NEDD4: variants seen among roughly 807,000 people sequenced by gnomAD.
NEDD4 encodes the protein NEDD4 E3 ubiquitin protein ligase, also known as E3 ubiquitin-protein ligase NEDD4.
NEDD4 carries 99 observed loss-of-function variants against 144.9 expected under a neutral mutation model. That is an observed-to-expected ratio of 0.68 (90% CI 0.58 to 0.81). The LOEUF (loss-of-function observed/expected upper bound fraction) is 0.81, where lower values mean the gene tolerates loss of function less well. Ranked by LOEUF, NEDD4 falls within the 30% of genes least tolerant of loss-of-function variation. The pLI is 0.00. For synonymous variants in NEDD4, 318 were observed against 350.6 expected (o/e 0.91, Z 1.04); for missense variants, 985 against 1,065.9 (o/e 0.92, Z 1.06).
At chr15:55,901,980 C>G (rs2035928055) in intron 5 of NEDD4, among the ~76,000 whole-genome samples, 1 of 152,030 alleles carries the variant, frequency 6.6e-6, no homozygotes, top group Non-Finnish European at 1.5e-5. Flanking sequence ...AGAGTTACTT[C>G]AACATAGAGT....
At chr15:55,905,102 A>AG (rs545619480) in intron 5 of NEDD4, 23 of 324,268 alleles carry the variant, frequency 7.1e-5, no homozygotes, top group South Asian at 4.2e-4. Context: ...CAAAAAAAAA[A>AG]AAAAGAAAAG....
chr15:55,949,143 T>C (rs1410161639), intron 4 of NEDD4, among the ~76,000 whole-genome samples: 2 of 152,162 alleles, frequency 1.3e-5, no homozygotes, highest in African/African-American at 2.4e-5. Context: ...GGGCGAAGGA[T>C]ATGAACAGAC....
intron 1 of NEDD4, among the ~76,000 whole-genome samples, chr15:55,980,015 A>G (rs1353167031): frequency 6.6e-6 from 1 of 151,470 alleles, no homozygotes. Context: ...GGCTCAAGTG[A>G]TTCTCCTACC....
At chr15:55,837,654 A>C in intron 24 of NEDD4, 135 bp downstream of exon 24, 1 of 555,064 alleles carries the variant, frequency 1.8e-6, no homozygotes, top group Non-Finnish European at 3.2e-6. Flanking sequence ...TTTAGTTAAT[A>C]TAAAAATATA....
At chr15:55,833,864 T>C (rs12908466) in intron 26 of NEDD4, among the ~76,000 whole-genome samples, 174 bp downstream of exon 26, 11,142 of 152,248 alleles carry the variant, frequency 0.073, 471 homozygotes, top group Non-Finnish European at 0.099. Flanking sequence ...CTAGTAATAG[T>C]TACAGACCCA....
At chr15:55,960,250 T>C (rs1202124382) in intron 2 of NEDD4, among the ~76,000 whole-genome samples, 3 of 152,158 alleles carry the variant, frequency 2.0e-5, no homozygotes, top group African/African-American at 7.2e-5. Context: ...TGTGAGGGTG[T>C]TGCCAAAGGA....
intron 1 of NEDD4, among the ~76,000 whole-genome samples, chr15:55,993,162 C>G (rs762563507): frequency 1.3e-5 from 2 of 152,252 alleles, no homozygotes; most frequent in African/African-American, 4.8e-5. Context: ...GCTCCGCACA[C>G]CCGGCGGGGG....
At chr15:55,920,575 T>C (rs1208665146) in intron 5 of NEDD4, among the ~76,000 whole-genome samples, 1 of 152,202 alleles carries the variant, frequency 6.6e-6, no homozygotes, top group Non-Finnish European at 1.5e-5. Context: ...AAGCCTACTC[T>C]TTATTGAAAG....
intron 6 of NEDD4, among the ~76,000 whole-genome samples, 191 bp from the exon 7 acceptor site, chr15:55,872,667 C>T (rs2034844383): frequency 6.6e-6 from 1 of 152,170 alleles, no homozygotes; most frequent in Non-Finnish European, 1.5e-5. Context: ...CAGCCGACAT[C>T]ACAACTCAAA....
chr15:55,915,106 A>G (rs1232254649), intron 5 of NEDD4, among the ~76,000 whole-genome samples: 1 of 152,138 alleles, frequency 6.6e-6, no homozygotes, highest in African/African-American at 2.4e-5. Flanking sequence ...CAAATAGAGT[A>G]AAAAACTATA....
At chr15:55,839,606 G>A (rs1015355839) in intron 21 of NEDD4, among the ~76,000 whole-genome samples, 2 of 152,130 alleles carry the variant, frequency 1.3e-5, no homozygotes, top group South Asian at 2.1e-4. Context: ...GCTACAGTCC[G>A]GGGTTTAATC....
chr15:55,967,432 T>A (rs970607192), intron 1 of NEDD4, among the ~76,000 whole-genome samples: 2 of 142,974 alleles, frequency 1.4e-5, no homozygotes, highest in Admixed American at 1.5e-4. Context: ...AAACTGAACA[T>A]AACTATGCTG....
At chr15:55,867,238 T>C (rs2034616349) in intron 8 of NEDD4, among the ~76,000 whole-genome samples, 1 of 152,214 alleles carries the variant, frequency 6.6e-6, no homozygotes, top group African/African-American at 2.4e-5. Context: ...GCAAGACTCC[T>C]CTAGTCATTA....
At chr15:55,836,025 C>T (rs1219544436) in intron 24 of NEDD4, among the ~76,000 whole-genome samples, 2 of 152,104 alleles carry the variant, frequency 1.3e-5, no homozygotes, top group Non-Finnish European at 2.9e-5. Context: ...ATTCTCTCAC[C>T]CAGCATACTC....
intron 13 of NEDD4, 131 bp from the exon 14 acceptor site, chr15:55,850,873 T>G: frequency 1.4e-6 from 1 of 699,022 alleles, no homozygotes; most frequent in Non-Finnish European, 2.2e-6. Context: ...TATTTGAGGC[T>G]CATTTTCAAA....
At chr15:55,990,291 G>T (rs981346790) in intron 1 of NEDD4, among the ~76,000 whole-genome samples, 2 of 151,874 alleles carry the variant, frequency 1.3e-5, no homozygotes, top group Non-Finnish European at 2.9e-5. Context: ...CCATGAAACC[G>T]GTCCCTGGTG....
chr15:55,894,208 A>G (rs1049094921), intron 5 of NEDD4, among the ~76,000 whole-genome samples: 6 of 152,162 alleles, frequency 3.9e-5, no homozygotes, highest in African/African-American at 1.4e-4. Context: ...GGTGGATTCA[A>G]TCAATCCGGG....
chr15:55,944,624 A>T (rs1004317668), intron 4 of NEDD4, among the ~76,000 whole-genome samples: 1 of 152,224 alleles, frequency 6.6e-6, no homozygotes, highest in Non-Finnish European at 1.5e-5. Flanking sequence ...GACAGCTCTG[A>T]AGAGAGCAGT....
At chr15:55,983,078 C>T (rs536636291) in intron 1 of NEDD4, among the ~76,000 whole-genome samples, 13 of 151,924 alleles carry the variant, frequency 8.6e-5, no homozygotes, top group Non-Finnish European at 1.2e-4. Flanking sequence ...ACCGAGATTG[C>T]GCCATTGCAC....
Sources: gnomAD v4.1 joint callset for allele counts (sites outside exome capture counted in the v4.1 genomes callset) on GRCh38, gnomAD v4.1.1 for gene constraint, MANE v1.5 for transcripts, NCBI Gene and HGNC (gene_info 2026-07-23, HGNC 2026-07-21) for gene names.